The following ADGRG5 variants were observed in gnomAD, a reference collection of about 807,000 sequenced individuals.
ADGRG5 encodes the protein G protein-coupled receptor 114.
Under a neutral mutation model 53.2 loss-of-function variants are expected in ADGRG5, and 37 were observed. That is an observed-to-expected ratio of 0.70 (90% confidence interval 0.53 to 0.91). ADGRG5 has a LOEUF of 0.91. ADGRG5 is among the 40% of genes least tolerant of loss of function. ADGRG5 has a pLI of 0.00. For missense variants in ADGRG5, 614 were observed against 675.8 expected (o/e 0.91, Z 1.01); for synonymous variants, 277 against 290.4 (o/e 0.95, Z 0.47).
At chr16:57,545,858 C>T (rs1174081392) in intron 1 of ADGRG5, among the ~76,000 whole-genome samples, 1 of 152,174 alleles carries the variant, frequency 6.6e-6, no homozygotes, top group Non-Finnish European at 1.5e-5. Context: ...CAGAGTCTTG[C>T]TCTGTCACCC....
In ADGRG5 at chr16:57,574,837, G is replaced by C; in HGVS notation, c.1231G>C (p.Val411Leu). ...MSICWVRSPVVHSVLVMGYGG... is the reference protein window; with the variant it reads ...MSICWVRSPVLHSVLVMGYGG... ...CAGATGCTGGGTGCGGAGCCCCGTG[G>C]TGCACAGTGTCCTGGTCATGGGCTA... is the stretch of plus-strand genomic sequence containing the variant. Residue 411 changes from valine to leucine, a missense_variant, in exon 11 of 12, where the codon GTG (valine) becomes CTG (leucine). By Grantham distance (32) the Val-to-Leu change is conservative. Transcript: ENST00000349457. The surrounding 1 kb of genome is among the most constrained non-coding windows in gnomAD (Gnocchi z 4.4). 6.3e-7 allele frequency: 1 copy of C among 1,598,344 alleles called. No homozygotes were observed. Among genetic ancestry groups the C allele is most frequent in the Non-Finnish European group, 8.5e-7 (1 of 1,170,700 alleles).
At chr16:57,536,872 TA>T in the ADGRG5 span, among the ~76,000 whole-genome samples, 1 of 152,080 alleles carries the variant, frequency 6.6e-6, no homozygotes, top group East Asian at 1.9e-4. Context: ...CAGCGCCAAC[TA>T]CGTACTAGGC....
At chr16:57,560,709 C>G (rs544334277) in intron 1 of ADGRG5, among the ~76,000 whole-genome samples, 1 of 152,336 alleles carries the variant, frequency 6.6e-6, no homozygotes, top group East Asian at 1.9e-4. Flanking sequence ...CTCCTGAATA[C>G]TGGAGGTGGC....
chr16:57,537,671 C>T (rs1156353719), upstream of ADGRG5, among the ~76,000 whole-genome samples: 1 of 152,020 alleles, frequency 6.6e-6, no homozygotes, highest in East Asian at 1.9e-4. Flanking sequence ...TTTTTCGGGT[C>T]TGGGTCACTT....
chr16:57,553,034 TG>T (rs1421610237), intron 1 of ADGRG5, among the ~76,000 whole-genome samples: 1 of 152,210 alleles, frequency 6.6e-6, no homozygotes, highest in African/African-American at 2.4e-5. Context: ...CCATCTTATA[TG>T]GGCGCAGTTT....
chr16:57,569,815 A>G (rs932679464), intron 9 of ADGRG5, among the ~76,000 whole-genome samples: 2 of 150,448 alleles, frequency 1.3e-5, no homozygotes, highest in Non-Finnish European at 3.0e-5. Context: ...CTCCACCTCT[A>G]TCATCATCAT....
At chr16:57,561,044 G>T (rs1300478288) in intron 1 of ADGRG5, among the ~76,000 whole-genome samples, 1 of 152,252 alleles carries the variant, frequency 6.6e-6, no homozygotes, top group South Asian at 2.1e-4. Context: ...CTCCCAAAGA[G>T]TTGGGATCAC....
chr16:57,550,090 C>A (rs2032711955), intron 1 of ADGRG5, among the ~76,000 whole-genome samples: 1 of 152,170 alleles, frequency 6.6e-6, no homozygotes, highest in Admixed American at 6.5e-5. Flanking sequence ...AATTCTCCTG[C>A]CTTAGACTCT....
At chr16:57,542,571 T>C (rs1465067430), upstream of ADGRG5, 1 of 152,424 alleles carries the variant, frequency 6.6e-6, no homozygotes, top group Non-Finnish European at 1.5e-5. Context: ...CAGAGAGAAG[T>C]GCAGTGGGGG....
chr16:57,530,336 T>G, the ADGRG5 span, among the ~76,000 whole-genome samples: 10 of 152,032 alleles, frequency 6.6e-5, no homozygotes, highest in Admixed American at 6.5e-4. Flanking sequence ...GTCCCCAGTC[T>G]CCCTCCACTG....
chr16:57,568,402 A>T (rs2033208046), intron 9 of ADGRG5, among the ~76,000 whole-genome samples: 1 of 147,894 alleles, frequency 6.8e-6, no homozygotes, highest in Non-Finnish European at 1.5e-5. Context: ...CACCATTATC[A>T]CCTCCTCCAC....
the ADGRG5 span, among the ~76,000 whole-genome samples, chr16:57,537,182 G>A: frequency 6.6e-6 from 1 of 152,144 alleles, no homozygotes; most frequent in South Asian, 2.1e-4. Flanking sequence ...ACGGTACTTC[G>A]CCTTCGGGGA....
the ADGRG5 span, among the ~76,000 whole-genome samples, chr16:57,537,078 C>T: frequency 6.6e-6 from 1 of 152,190 alleles, no homozygotes; most frequent in African/African-American, 2.4e-5. Context: ...CAACCTTGCG[C>T]TTGTTAAGAG....
intron 10 of ADGRG5, among the ~76,000 whole-genome samples, chr16:57,573,302 C>G (rs1052897271): frequency 6.6e-6 from 1 of 151,702 alleles, no homozygotes; most frequent in Admixed American, 6.6e-5. Flanking sequence ...GGCGTGGTGT[C>G]AGGATTCTGT....
intron 10 of ADGRG5, among the ~76,000 whole-genome samples, chr16:57,573,203 A>C (rs1367235998): frequency 1.3e-5 from 2 of 152,130 alleles, no homozygotes; most frequent in Non-Finnish European, 2.9e-5. Context: ...AGGCCGAGGC[A>C]GGTGGATCAA....
At chr16:57,558,483 A>G (rs1386884012) in intron 1 of ADGRG5, among the ~76,000 whole-genome samples, 1 of 152,218 alleles carries the variant, frequency 6.6e-6, no homozygotes, top group Non-Finnish European at 1.5e-5. Context: ...GTAGACTGCT[A>G]TTACTTGTTG....
At chr16:57,538,164 A>G (rs1458572750), upstream of ADGRG5, among the ~76,000 whole-genome samples, 1 of 152,154 alleles carries the variant, frequency 6.6e-6, no homozygotes, top group East Asian at 1.9e-4. Flanking sequence ...TGTCTTTTGC[A>G]GGGGCTAGGG....
intron 6 of ADGRG5, 28 bp from the exon 7 acceptor site, chr16:57,566,571 C>T: frequency 6.8e-7 from 1 of 1,469,560 alleles, no homozygotes; most frequent in Non-Finnish European, 9.0e-7. Flanking sequence ...CCTCTGCACC[C>T]TATGACTGAC....
intron 10 of ADGRG5, among the ~76,000 whole-genome samples, chr16:57,571,693 T>C (rs545939762): frequency 4.0e-5 from 6 of 151,082 alleles, no homozygotes; most frequent in Non-Finnish European, 7.4e-5. Context: ...TTCGCTCTTG[T>C]TGCCCAGGCT....
Sources: gnomAD v4.1 joint callset for allele counts (sites outside exome capture counted in the v4.1 genomes callset) on GRCh38, gnomAD v4.1.1 for gene constraint, Gnocchi (gnomAD v3.1) non-coding constraint, MANE v1.5 for transcripts, NCBI Gene and HGNC (gene_info 2026-07-23, HGNC 2026-07-21) for gene names.